The following TMEM120B variants were observed in gnomAD, a reference collection of about 807,000 sequenced individuals.
TMEM120B encodes the protein transmembrane protein 120B.
Under a neutral mutation model 55.5 loss-of-function variants are expected in TMEM120B, and 31 were observed. The ratio of observed to expected loss-of-function variants is 0.56; its 90% confidence interval spans 0.42 to 0.75. TMEM120B has a LOEUF of 0.75. TMEM120B is among the 30% of genes least tolerant of loss of function. The pLI is 0.00. For missense variants in TMEM120B, 399 were observed against 425.5 expected (o/e 0.94, Z 0.55); for synonymous variants, 203 against 176.3 (o/e 1.15, Z -1.20).
At chr12:121,731,455 A>G (rs932650934) in intron 1 of TMEM120B, among the ~76,000 whole-genome samples, 1 of 152,096 alleles carries the variant, frequency 6.6e-6, no homozygotes, top group African/African-American at 2.4e-5. Context: ...GGGTTTTGCC[A>G]TACTGGCCAG....
Position 121,776,001 on chromosome 12 carries a change from G to C in TMEM120B, c.*279G>C. The stretch of plus-strand genomic sequence containing the variant: ...GGCTGAGGCCGGGCCAGTCTTCCTG[G>C]GGATGGGGCCTGAAGCCTCAGGGAG... On this transcript the variant is annotated 3_prime_UTR_variant, in exon 12 of 12. Coordinates refer to ENST00000449592, the MANE Select transcript of TMEM120B (RefSeq NM_001080825.2). 3.4e-6 allele frequency: 2 copies of C among 593,136 alleles called. No individual in the cohort carries two copies. The highest frequency in any genetic ancestry group is 4.1e-5 in the South Asian group (2 of 48,828). The allele number at this position is 593,136 out of a possible 1,614,324, so 36.7% of individuals were successfully genotyped here.
chr12:121,762,338 C>G (rs1448273158), intron 6 of TMEM120B, among the ~76,000 whole-genome samples: 1 of 152,012 alleles, frequency 6.6e-6, no homozygotes, highest in Non-Finnish European at 1.5e-5. Flanking sequence ...AAGTGCTCTC[C>G]GTCTCTCACT....
At chr12:121,763,567 C>T (rs1041653300) in intron 6 of TMEM120B, among the ~76,000 whole-genome samples, 1 of 152,044 alleles carries the variant, frequency 6.6e-6, no homozygotes, top group Non-Finnish European at 1.5e-5. Context: ...CTCAGCCTCC[C>T]GAGTAGCTAG....
At chr12:121,774,230 A>G (rs914345172) in intron 9 of TMEM120B, among the ~76,000 whole-genome samples, 1 of 152,176 alleles carries the variant, frequency 6.6e-6, no homozygotes, top group African/African-American at 2.4e-5. Context: ...TGCTGGGATT[A>G]TAGGCGTGGG....
rs768141886 is a variant in TMEM120B, at chr12:121,773,391, CTGAGCCCAGGTGCTG to C, written c.680-27_680-13del. 3.1e-6 allele frequency: 5 copies of C among 1,587,364 alleles called. No individual in the cohort carries two copies. Among genetic ancestry groups the C allele is most frequent in the Non-Finnish European group, 4.3e-6 (5 of 1,164,748 alleles). ...CCCTGTCTTCCGGGGACACCAGGCC[CTGAGCCCAGGTGCTG>C]TGCTCCCCCTGCAGGCTGCGTCCAG... On this transcript the variant is annotated splice_polypyrimidine_tract_variant and intron_variant, in intron 8 of 11. Transcript: ENST00000449592.
At chr12:121,743,551 C>G (rs1182286122) in intron 1 of TMEM120B, 78 bp from the exon 2 acceptor site, 3 of 1,144,706 alleles carry the variant, frequency 2.6e-6, no homozygotes, top group Non-Finnish European at 2.5e-6. Context: ...GAGCGAGACT[C>G]TCTCAAAAAA....
In TMEM120B at chr12:121,781,637, G is replaced by A. The variant is rs998075204; in HGVS notation, c.*5915G>A. ...CCAGTGTGATCCCCCTGCCCTGATG[G>A]TCAAGGGCAGAGTGCAGACTGGAAC... On this transcript the variant is annotated 3_prime_UTR_variant, in exon 12 of 12. Coordinates refer to ENST00000449592, the MANE Select transcript of TMEM120B (RefSeq NM_001080825.2). The A allele has an allele frequency of 5.5e-6, 1 of 181,328 alleles. No individual in the cohort carries two copies. Among genetic ancestry groups the A allele is most frequent in the Non-Finnish European group, 1.2e-5 (1 of 84,348 alleles). The allele number at this position is 181,328 out of a possible 1,614,324, so 11.2% of individuals were successfully genotyped here. A position where few individuals can be genotyped will look rare whatever the true frequency, so the allele number is the denominator to read the frequency against.
chr12:121,779,665 G>T lies in TMEM120B; in HGVS notation c.*3943G>T. On this transcript the variant is annotated 3_prime_UTR_variant, in exon 12 of 12. Transcript: ENST00000449592. Reference sequence around the variant, plus strand: ...ATCTGTTCGCAGGCGCTCAGGCCCTGGGTGGGGGGAGGAGCCAGCATTAGG... The same window carrying T: ...ATCTGTTCGCAGGCGCTCAGGCCCTTGGTGGGGGGAGGAGCCAGCATTAGG... 1.2e-6 allele frequency: 2 copies of T among 1,613,706 alleles called. No homozygotes were observed. Among genetic ancestry groups the T allele is most frequent in the Non-Finnish European group, 1.7e-6 (2 of 1,179,804 alleles).
Position 121,780,785 on chromosome 12 carries a change from G to T in TMEM120B, c.*5063G>T. 6.9e-7 allele frequency: 1 copy of T among 1,452,590 alleles called. No individual in the cohort carries two copies. Among genetic ancestry groups the T allele is most frequent in the Non-Finnish European group, 9.3e-7 (1 of 1,080,020 alleles). 90.0% of individuals were successfully genotyped at this position (1,452,590 alleles called of 1,614,324 possible). On this transcript the variant is annotated 3_prime_UTR_variant, in exon 12 of 12. Transcript: ENST00000449592. ...CTTGCTTCCCTCAGCTCCCTGAAAG[G>T]CCACTAAGGCACCCCAGTTGCAGAG...
chr12:121,745,533 A>G (rs1354874065), intron 2 of TMEM120B, among the ~76,000 whole-genome samples: 2 of 151,406 alleles, frequency 1.3e-5, no homozygotes, highest in African/African-American at 2.4e-5. Flanking sequence ...CTGGGATTAC[A>G]GGTGCCCGCC....
chr12:121,770,572 G>A (rs924696032), intron 6 of TMEM120B, among the ~76,000 whole-genome samples: 13 of 151,336 alleles, frequency 8.6e-5, no homozygotes, highest in South Asian at 8.4e-4. Flanking sequence ...GACAGGAGCC[G>A]TGCCTGGAGC....
At position 121,770,336 on chromosome 12, in the gene TMEM120B, C is replaced by T. The variant is rs1026918371; in HGVS notation, c.552-571C>T. On this transcript the variant is annotated intron_variant, in intron 6 of 11. Coordinates refer to ENST00000449592, the MANE Select transcript of TMEM120B (RefSeq NM_001080825.2). ...GACACCAGTCACACTGGACTAGGGCCCACCAGTGTGACCTTGTTTTACCTC... is the reference window on the plus strand; with the variant it reads ...GACACCAGTCACACTGGACTAGGGCTCACCAGTGTGACCTTGTTTTACCTC... 5.3e-5 allele frequency among the ~76,000 whole-genome samples: 8 copies of T among 152,200 alleles called. 1 individual carries two copies. The South Asian group carries it at 6.2e-4, about 12-fold the overall frequency.
Position 121,779,470 on chromosome 12 carries a change from T to G in TMEM120B, c.*3748T>G, listed in dbSNP as rs887751544. 11 of 1,605,866 alleles carry G rather than the reference T, an allele frequency of 6.8e-6. No individual in the cohort carries two copies. Among genetic ancestry groups the G allele is most frequent in the South Asian group, 1.1e-5 (1 of 91,032 alleles). ...CACCTGGGCCCCCGGGCCCTGTCAG[T>G]GCTGTCGTGAGGTCTGTCTGCCCTG... On this transcript the variant is annotated 3_prime_UTR_variant, in exon 12 of 12. Transcript: ENST00000449592.
chr12:121,756,753 C>G (rs570586958), intron 5 of TMEM120B, among the ~76,000 whole-genome samples: 1 of 152,360 alleles, frequency 6.6e-6, no homozygotes, highest in East Asian at 1.9e-4. Flanking sequence ...AACAGTCACT[C>G]TCTGCCCACA....
chr12:121,731,271 A>G (rs1049653832), intron 1 of TMEM120B, among the ~76,000 whole-genome samples: 3 of 151,854 alleles, frequency 2.0e-5, no homozygotes, highest in Non-Finnish European at 4.4e-5. Flanking sequence ...TATTTTTTTC[A>G]GGCGTAGTCT....
intron 5 of TMEM120B, among the ~76,000 whole-genome samples, chr12:121,754,170 G>A (rs1261977443): frequency 2.6e-5 from 4 of 152,246 alleles, no homozygotes; most frequent in East Asian, 1.9e-4. Flanking sequence ...CCCTGGGCCC[G>A]TGCTCGCCTG....
At chr12:121,733,269 G>C (rs1592929088) in intron 1 of TMEM120B, among the ~76,000 whole-genome samples, 1 of 152,086 alleles carries the variant, frequency 6.6e-6, no homozygotes, top group Non-Finnish European at 1.5e-5. Context: ...TTGAGAGAGA[G>C]AGTCTCGCTC....
At chr12:121,749,248 C>G (rs1873200995) in intron 3 of TMEM120B, among the ~76,000 whole-genome samples, 1 of 152,206 alleles carries the variant, frequency 6.6e-6, no homozygotes, top group East Asian at 1.9e-4. Flanking sequence ...AAGTGATGAT[C>G]ATTTTCTGCA....
Position 121,780,997 on chromosome 12 carries a change from CAG to C in TMEM120B, c.*5276_*5277del, listed in dbSNP as rs747592459. 2.1e-5 allele frequency: 34 copies of C among 1,613,600 alleles called. No homozygotes were observed. The highest frequency in any genetic ancestry group is 2.8e-5 in the Non-Finnish European group (33 of 1,179,736). ...ATCCCGCGGCAGAAATGCGTGACCT[CAG>C]GGAACCACTGTGGAGGGAGGAGGCG... On this transcript the variant is annotated 3_prime_UTR_variant, in exon 12 of 12. Coordinates refer to ENST00000449592, the MANE Select transcript of TMEM120B (RefSeq NM_001080825.2).
Sources: allele counts gnomAD v4.1 joint callset (sites outside exome capture counted in the v4.1 genomes callset), GRCh38; gene constraint gnomAD v4.1.1; transcripts MANE v1.5; gene names NCBI Gene and HGNC (gene_info 2026-07-23, HGNC 2026-07-21).